The following INSL6 variants were observed in gnomAD, a reference collection of about 807,000 sequenced individuals.
INSL6 encodes insulin like 6.
In INSL6, 16 loss-of-function variants were observed where a neutral mutation model predicts 9.4. The observed-to-expected ratio is 1.70, with a 90% confidence interval of 1.15 to 2.59. INSL6 has a LOEUF of 2.59. Ranked by LOEUF, INSL6 falls within the 30% of genes most tolerant of loss-of-function variation. The pLI is 0.00. For missense variants in INSL6, 391 were observed against 257.3 expected, an observed-to-expected ratio of 1.52 and a Z score of -3.56; for synonymous variants, 154 against 96.9, an observed-to-expected ratio of 1.59 and a Z score of -3.46.
the INSL6 span, among the ~76,000 whole-genome samples, chr9:5,056,546 T>C: frequency 3.3e-5 from 5 of 152,148 alleles, no homozygotes; most frequent in Non-Finnish European, 5.9e-5. Context: ...CATAGTTTTC[T>C]GTTCTTAGAT....
the INSL6 span, among the ~76,000 whole-genome samples, chr9:5,027,057 C>T: frequency 3.3e-5 from 5 of 152,176 alleles, no homozygotes; most frequent in Non-Finnish European, 5.9e-5. Flanking sequence ...CAACCACATG[C>T]AAGCATGGAT....
At chr9:5,114,526 C>A in the INSL6 span, 1 of 467,076 alleles carries the variant, frequency 2.1e-6, no homozygotes, top group Non-Finnish European at 4.2e-6. Flanking sequence ...CTAGAAGAGC[C>A]GAGGAACCAG....
chr9:5,183,009 A>G (rs1242975704), intron 1 of INSL6, among the ~76,000 whole-genome samples: 2 of 152,206 alleles, frequency 1.3e-5, no homozygotes, highest in African/African-American at 4.8e-5. Flanking sequence ...TCAGGATATT[A>G]AAATTTCAGA....
chr9:5,030,284 T>A, the INSL6 span, among the ~76,000 whole-genome samples: 2 of 152,172 alleles, frequency 1.3e-5, no homozygotes, highest in African/African-American at 4.8e-5. Context: ...AAGAACTTTT[T>A]AAAAAGTTGA....
chr9:5,122,979 T>C (rs1369198944), downstream of INSL6: 2 of 1,462,150 alleles, frequency 1.4e-6, no homozygotes, highest in South Asian at 2.4e-5. Flanking sequence ...TAACTGTCTT[T>C]TAAATGTTAT....
chr9:5,114,232 G>T, the INSL6 span: 252 of 521,900 alleles, frequency 4.8e-4, 1 homozygote, highest in East Asian at 9.9e-3. Context: ...CTGTTCATCC[G>T]CAAGTTGCCC....
intron 3 of INSL6, chr9:5,125,870 AG>A (rs1823956922): frequency 6.6e-6 from 1 of 151,996 alleles, no homozygotes; most frequent in South Asian, 2.1e-4. Context: ...ATTGAAAATA[AG>A]TAAATGATGT....
At chr9:5,109,178 A>G in the INSL6 span, 1 of 152,196 alleles carries the variant, frequency 6.6e-6, no homozygotes, top group Non-Finnish European at 1.5e-5. Flanking sequence ...GGACACTTAC[A>G]TATTACATTA....
downstream of INSL6, among the ~76,000 whole-genome samples, chr9:5,119,883 A>G (rs563192442): frequency 6.6e-6 from 1 of 152,338 alleles, no homozygotes; most frequent in South Asian, 2.1e-4. Flanking sequence ...GAAAATAAAT[A>G]TTTTATACAA....
the INSL6 span, among the ~76,000 whole-genome samples, chr9:5,038,683 G>A: frequency 2.0e-5 from 3 of 151,082 alleles, no homozygotes; most frequent in Non-Finnish European, 4.4e-5. Context: ...AGTCTGAAAT[G>A]CTCTGATGAA....
At chr9:5,008,902 T>C in the INSL6 span, among the ~76,000 whole-genome samples, 1 of 152,158 alleles carries the variant, frequency 6.6e-6, no homozygotes, top group Non-Finnish European at 1.5e-5. Flanking sequence ...GCTCATAATA[T>C]TTTTTTCTTT....
the INSL6 span, chr9:5,054,443 C>T: frequency 2.7e-6 from 2 of 741,938 alleles, no homozygotes; most frequent in Non-Finnish European, 4.5e-6. This position sits in a 1 kb window ranked among gnomAD's most constrained non-coding sequence, Gnocchi z 4.9. Flanking sequence ...GCCACTTGGC[C>T]ACTGTGTTGT....
chr9:5,184,990 A>G (rs1825535802), intron 1 of INSL6, among the ~76,000 whole-genome samples: 1 of 152,194 alleles, frequency 6.6e-6, no homozygotes, highest in African/African-American at 2.4e-5. Context: ...AAGGTCAATG[A>G]TGACTTCACA....
the INSL6 span, among the ~76,000 whole-genome samples, chr9:4,995,317 C>T: frequency 6.6e-6 from 1 of 152,064 alleles, no homozygotes; most frequent in Admixed American, 6.6e-5. Context: ...GTCTCTTTAT[C>T]TTTTTGATTC....
At chr9:5,023,036 C>A in the INSL6 span, among the ~76,000 whole-genome samples, 3 of 152,180 alleles carry the variant, frequency 2.0e-5, no homozygotes, top group Non-Finnish European at 2.9e-5. Flanking sequence ...TTCCTTCTAG[C>A]TATTTTGAAA....
chr9:5,048,172 C>T, the INSL6 span, among the ~76,000 whole-genome samples: 3 of 151,818 alleles, frequency 2.0e-5, no homozygotes, highest in Non-Finnish European at 4.4e-5. Context: ...GATGGAGTCT[C>T]CCACTGTTGC....
the INSL6 span, among the ~76,000 whole-genome samples, chr9:5,028,925 A>G: frequency 6.6e-6 from 1 of 152,206 alleles, no homozygotes; most frequent in African/African-American, 2.4e-5. Context: ...CATCATCAAT[A>G]AGGCTGTTTT....
chr9:5,009,811 C>T, the INSL6 span, among the ~76,000 whole-genome samples: 2 of 151,684 alleles, frequency 1.3e-5, no homozygotes, highest in African/African-American at 4.8e-5. Context: ...TGCTCTGTTG[C>T]CCAGGCTGGA....
intron 3 of INSL6, among the ~76,000 whole-genome samples, chr9:5,130,406 G>C (rs534869475): frequency 3.0e-4 from 45 of 152,294 alleles, no homozygotes; most frequent in African/African-American, 1.0e-3. Flanking sequence ...GATAGATCAA[G>C]GTGGTATGGA....
Sources: gnomAD v4.1 joint callset for allele counts (sites outside exome capture counted in the v4.1 genomes callset) on GRCh38, gnomAD v4.1.1 for gene constraint, Gnocchi (gnomAD v3.1) non-coding constraint, MANE v1.5 for transcripts, NCBI Gene and HGNC (gene_info 2026-07-23, HGNC 2026-07-21) for gene names.